LPAR1: variants seen among roughly 807,000 people sequenced by gnomAD.
LPAR1 encodes the protein lysophosphatidic acid receptor 1.
In LPAR1, 5 loss-of-function variants were observed where a neutral mutation model predicts 23.8. The ratio of observed to expected loss-of-function variants is 0.21; its 90% CI spans 0.11 to 0.44. The LOEUF is 0.44. LPAR1 is among the 20% of genes least tolerant of loss of function. The probability of loss-of-function intolerance (pLI) is 0.99; values close to 1 mark genes in which losing one functional copy is unlikely to be tolerated. For missense variants in LPAR1, 311 were observed against 482.8 expected (o/e 0.64, Z 3.33); for synonymous variants, 160 against 164.7 (o/e 0.97, Z 0.22).
chr9:110,968,766 G>A (rs533820607), intron 4 of LPAR1, among the ~76,000 whole-genome samples: 13 of 152,292 alleles, frequency 8.5e-5, no homozygotes, highest in African/African-American at 2.9e-4. Flanking sequence ...CACAAGGCTT[G>A]CTGAGCAATA....
At chr9:110,996,290 C>T (rs1193464366) in intron 2 of LPAR1, among the ~76,000 whole-genome samples, 3 of 152,126 alleles carry the variant, frequency 2.0e-5, no homozygotes, top group African/African-American at 7.2e-5. Flanking sequence ...GGTGTGGTGG[C>T]TCAAGCCTGT....
chr9:110,958,581 A>G (rs1375464137), intron 4 of LPAR1, among the ~76,000 whole-genome samples: 1 of 152,180 alleles, frequency 6.6e-6, no homozygotes, highest in Non-Finnish European at 1.5e-5. Context: ...AATCAACTCA[A>G]GATAAAGACT....
rs573524144 is a variant in LPAR1 at position 110,873,868 on chromosome 9, C to G, written c.*1553G>C. The G allele has an allele frequency of 1.3e-5, 2 of 152,368 alleles. No homozygotes were observed. Among genetic ancestry groups the G allele is most frequent in the South Asian group, 2.1e-4 (1 of 4,826 alleles). The allele number at this position is 152,368 out of a possible 1,614,324, so 9.4% of individuals were successfully genotyped here. On this transcript the variant is annotated 3_prime_UTR_variant, in exon 6 of 6. Coordinates refer to ENST00000683809, the MANE Select transcript of LPAR1 (RefSeq NM_001351411.2). ...GGTGTGGCTACCAAGAGCTGGATAA[C>G]GAGTCCCTCAAACAAAGTTTGGAAT...
chr9:110,948,063 A>T (rs973241560), intron 4 of LPAR1, among the ~76,000 whole-genome samples: 4 of 152,226 alleles, frequency 2.6e-5, no homozygotes, highest in Admixed American at 2.6e-4. Context: ...TTTTTCAATA[A>T]GTTCCAAAAC....
Position 110,922,015 on chromosome 9 carries a change from T to C in LPAR1, c.793+19406A>G, listed in dbSNP as rs763698637. Among the ~76,000 whole-genome samples the C allele has an allele frequency of 1.0e-3, 159 of 152,106 alleles. 1 individual carries two copies. The highest frequency in any genetic ancestry group is 7.1e-4 in the Non-Finnish European group (48 of 68,022). On this transcript the variant is annotated intron_variant, in intron 5 of 5. Coordinates refer to ENST00000683809, the MANE Select transcript of LPAR1 (RefSeq NM_001351411.2). ...AGTTACAGAGACTGCTGCTGCTTGA[T>C]GGTGAGTATGCAGAGAGCGGACCTG... is the stretch of plus-strand genomic sequence containing the variant.
chr9:111,009,276 A>C (rs966034133), intron 2 of LPAR1, among the ~76,000 whole-genome samples: 5 of 152,174 alleles, frequency 3.3e-5, no homozygotes, highest in African/African-American at 1.2e-4. Flanking sequence ...AGTGCAACTG[A>C]AGAGATAATT....
rs148896499 is a variant in LPAR1, at chr9:110,953,055, T to A, written c.46-10887A>T. 2.9e-3 allele frequency among the ~76,000 whole-genome samples: 444 copies of A among 152,274 alleles called. 3 individuals are homozygous for A. Among genetic ancestry groups the A allele is most frequent in the African/African-American group, 1.0e-2 (415 of 41,544 alleles). ...GGCCCTCCCAGCCTGTTGCAGCCAC[T>A]GTCAACACAGTATGGACCACCTGGA... On this transcript the variant is annotated intron_variant, in intron 4 of 5. Coordinates refer to ENST00000683809, the MANE Select transcript of LPAR1 (RefSeq NM_001351411.2).
At chr9:110,996,596 G>A (rs531790161) in intron 2 of LPAR1, among the ~76,000 whole-genome samples, 1 of 152,056 alleles carries the variant, frequency 6.6e-6, no homozygotes, top group Non-Finnish European at 1.5e-5. Flanking sequence ...GTGTGCCAAA[G>A]GGCTGAGGTT....
intron 5 of LPAR1, among the ~76,000 whole-genome samples, chr9:110,922,855 TATA>T (rs1257106940): frequency 6.8e-6 from 1 of 148,014 alleles, no homozygotes; most frequent in Admixed American, 6.8e-5. Context: ...TTATTATTAT[TATA>T]CTTTAAGTTC....
chr9:110,916,986 G>A (rs2093187907), intron 5 of LPAR1, among the ~76,000 whole-genome samples: 2 of 150,308 alleles, frequency 1.3e-5, no homozygotes, highest in Non-Finnish European at 2.9e-5. Flanking sequence ...TAATAACTTT[G>A]TAGTTGGAAG....
chr9:110,917,327 T>A (rs757624900), intron 5 of LPAR1, among the ~76,000 whole-genome samples: 2 of 152,070 alleles, frequency 1.3e-5, no homozygotes, highest in African/African-American at 2.4e-5. Flanking sequence ...CTAGCCTAGA[T>A]GACAAGAGCG....
At chr9:110,999,075 T>C (rs2097078933) in intron 2 of LPAR1, among the ~76,000 whole-genome samples, 2 of 152,152 alleles carry the variant, frequency 1.3e-5, no homozygotes, top group African/African-American at 4.8e-5. Flanking sequence ...GACATTTTAT[T>C]AAGATCAAAA....
intron 4 of LPAR1, among the ~76,000 whole-genome samples, chr9:110,963,121 C>T (rs1310064566): frequency 1.3e-5 from 2 of 152,108 alleles, no homozygotes; most frequent in Non-Finnish European, 2.9e-5. Context: ...CCATTGAAGA[C>T]TAAACCAATT....
At chr9:111,017,522 T>G (rs2097477771) in intron 2 of LPAR1, among the ~76,000 whole-genome samples, 1 of 152,228 alleles carries the variant, frequency 6.6e-6, no homozygotes, top group Non-Finnish European at 1.5e-5. Context: ...GTAATATCAA[T>G]GGCATCTAGA....
chr9:110,958,503 T>G (rs952846972), intron 4 of LPAR1, among the ~76,000 whole-genome samples: 1 of 152,136 alleles, frequency 6.6e-6, no homozygotes, highest in Non-Finnish European at 1.5e-5. Flanking sequence ...CAATAAGTGG[T>G]GCTGGGAAAA....
At chr9:110,876,467 A>G (rs1353478500) in intron 5 of LPAR1, among the ~76,000 whole-genome samples, 1 of 152,198 alleles carries the variant, frequency 6.6e-6, no homozygotes, top group African/African-American at 2.4e-5. Flanking sequence ...AATTTATTGA[A>G]TTTTCACAGT....
intron 2 of LPAR1, among the ~76,000 whole-genome samples, chr9:110,984,118 C>T (rs971003436): frequency 4.0e-5 from 6 of 151,864 alleles, no homozygotes; most frequent in African/African-American, 1.2e-4. Flanking sequence ...TACAAACAAT[C>T]CAATAATCCA....
At chr9:111,001,856 T>C (rs1262178662) in intron 2 of LPAR1, among the ~76,000 whole-genome samples, 1 of 152,224 alleles carries the variant, frequency 6.6e-6, no homozygotes, top group Non-Finnish European at 1.5e-5. Context: ...TGTTCCTGAT[T>C]CAGCAGACAG....
intron 2 of LPAR1, among the ~76,000 whole-genome samples, chr9:110,997,747 T>C (rs2097046764): frequency 6.6e-6 from 1 of 152,240 alleles, no homozygotes. Context: ...AAACGTATTA[T>C]ATTCTACATT....
Sources: gnomAD v4.1 joint callset for allele counts (sites outside exome capture counted in the v4.1 genomes callset) on GRCh38, gnomAD v4.1.1 for gene constraint, MANE v1.5 for transcripts, NCBI Gene and HGNC (gene_info 2026-07-23, HGNC 2026-07-21) for gene names.